GRAMD1B: variants seen among roughly 807,000 people sequenced by gnomAD.
GRAMD1B encodes protein Aster-B.
In GRAMD1B, 37 loss-of-function variants were observed where a neutral mutation model predicts 99.7. The observed-to-expected ratio is 0.37, with a 90% confidence interval of 0.29 to 0.49. The LOEUF (loss-of-function observed/expected upper bound fraction) is 0.49. GRAMD1B is among the 20% of genes least tolerant of loss of function. The pLI is 0.98. For synonymous variants in GRAMD1B, 427 were observed against 387.6 expected, an observed-to-expected ratio of 1.10 and a Z score of -1.19; for missense variants, 888 against 1,009.2, an observed-to-expected ratio of 0.88 and a Z score of 1.63.
At chr11:123,539,392 A>G (rs891345819) in intron 2 of GRAMD1B, among the ~76,000 whole-genome samples, 6 of 152,068 alleles carry the variant, frequency 3.9e-5, no homozygotes, top group Non-Finnish European at 7.4e-5. Flanking sequence ...GCTTGAACCC[A>G]TGAGTTCAAA....
intron 7 of GRAMD1B, chr11:123,599,033 G>A (rs989261632): frequency 3.7e-5 from 41 of 1,111,518 alleles, no homozygotes; most frequent in Admixed American, 2.5e-4. Flanking sequence ...CATGGAGATC[G>A]AGGTAACGAC....
chr11:123,419,919 A>C (rs548225097), intron 1 of GRAMD1B, among the ~76,000 whole-genome samples: 1 of 152,268 alleles, frequency 6.6e-6, no homozygotes, highest in East Asian at 1.9e-4. Flanking sequence ...AATGGAACCC[A>C]GTGTCCTTGT....
At chr11:123,402,354 T>A (rs1298126068) in intron 1 of GRAMD1B, among the ~76,000 whole-genome samples, 1 of 152,184 alleles carries the variant, frequency 6.6e-6, no homozygotes, top group African/African-American at 2.4e-5. Flanking sequence ...CTGGTTTATG[T>A]CTGATTAGGG....
intron 2 of GRAMD1B, among the ~76,000 whole-genome samples, chr11:123,499,207 G>A (rs1044140458): frequency 5.9e-5 from 9 of 152,122 alleles, no homozygotes; most frequent in Non-Finnish European, 1.2e-4. Context: ...GATGGAACTG[G>A]TGGCTTTAAA....
At chr11:123,413,140 G>A (rs753047205) in intron 1 of GRAMD1B, among the ~76,000 whole-genome samples, 1 of 152,108 alleles carries the variant, frequency 6.6e-6, no homozygotes, top group Non-Finnish European at 1.5e-5. Context: ...TCTTGAGCTT[G>A]AGTATTACCT....
At chr11:123,417,605 A>C (rs1224842807) in intron 1 of GRAMD1B, among the ~76,000 whole-genome samples, 3 of 152,176 alleles carry the variant, frequency 2.0e-5, no homozygotes, top group Non-Finnish European at 4.4e-5. Flanking sequence ...GTAAATGATC[A>C]CACATACCCC....
intron 15 of GRAMD1B, chr11:123,613,207 C>G (rs1953840936): frequency 1.4e-5 from 8 of 568,430 alleles, no homozygotes; most frequent in Non-Finnish European, 2.5e-5. Flanking sequence ...GACGTGTATG[C>G]CCCAAATTGT....
chr11:123,446,994 G>A (rs771337514), intron 1 of GRAMD1B, among the ~76,000 whole-genome samples: 1 of 152,112 alleles, frequency 6.6e-6, no homozygotes, highest in Non-Finnish European at 1.5e-5. Flanking sequence ...GGCAGGAAAG[G>A]CAAGAAAAGA....
Position 123,608,805 on chromosome 11 carries a change from C to T in GRAMD1B, c.1657+3C>T. On this transcript the variant is annotated splice_donor_region_variant and intron_variant, in intron 12 of 19. Transcript: ENST00000635736. ...CATGGAGCAGCGGCGCTTCTCTGGT[C>T]CGTTCTGCTGGGACTGTACCCCCCA... The T allele has an allele frequency of 3.9e-6, 6 of 1,536,202 alleles. No homozygotes were observed. Among genetic ancestry groups the T allele is most frequent in the Non-Finnish European group, 5.3e-6 (6 of 1,135,308 alleles).
At chr11:123,571,871 G>A (rs753548298) in intron 2 of GRAMD1B, among the ~76,000 whole-genome samples, 7 of 152,018 alleles carry the variant, frequency 4.6e-5, no homozygotes, top group Non-Finnish European at 7.4e-5. Flanking sequence ...CCCTTCACCT[G>A]GCTAACTCCA....
chr11:123,434,160 G>A (rs1949045836), intron 1 of GRAMD1B, among the ~76,000 whole-genome samples: 1 of 148,970 alleles, frequency 6.7e-6, no homozygotes, highest in African/African-American at 2.5e-5. Flanking sequence ...AACCTAGGAG[G>A]TGGAGGTTGC....
chr11:123,565,436 A>G (rs1947256358), intron 2 of GRAMD1B, among the ~76,000 whole-genome samples: 1 of 152,214 alleles, frequency 6.6e-6, no homozygotes, highest in African/African-American at 2.4e-5. Flanking sequence ...TTGCTGTCCT[A>G]TTGGGCCCTC....
intron 1 of GRAMD1B, among the ~76,000 whole-genome samples, chr11:123,388,017 T>C (rs1947131058): frequency 1.3e-5 from 2 of 151,174 alleles, no homozygotes; most frequent in Admixed American, 6.6e-5. Context: ...TCCCAGCTAC[T>C]TGGGAGGCTG....
At chr11:123,556,568 T>C (rs1329189232) in intron 2 of GRAMD1B, among the ~76,000 whole-genome samples, 1 of 152,202 alleles carries the variant, frequency 6.6e-6, no homozygotes, top group Non-Finnish European at 1.5e-5. Flanking sequence ...CTTTTGACAC[T>C]GCACAGGACT....
At chr11:123,486,223 T>C (rs1225982358) in intron 2 of GRAMD1B, among the ~76,000 whole-genome samples, 1 of 152,204 alleles carries the variant, frequency 6.6e-6, no homozygotes, top group Non-Finnish European at 1.5e-5. Flanking sequence ...CTCAGTTTCC[T>C]ACCAGATCTT....
intron 1 of GRAMD1B, among the ~76,000 whole-genome samples, chr11:123,441,743 C>A (rs1949416657): frequency 6.6e-6 from 1 of 152,060 alleles, no homozygotes; most frequent in Admixed American, 6.6e-5. Context: ...CTTCAGTGAG[C>A]CATGACCACG....
Position 123,626,658 on chromosome 11 carries a change from G to A in GRAMD1B, c.*4063G>A, listed in dbSNP as rs1286975039. 1.3e-5 allele frequency: 2 copies of A among 152,212 alleles called. No individual in the cohort carries two copies. The highest frequency in any genetic ancestry group is 2.9e-5 in the Non-Finnish European group (2 of 68,172). The allele number at this position is 152,212 out of a possible 1,614,324, so 9.4% of individuals were successfully genotyped here. On this transcript the variant is annotated 3_prime_UTR_variant, in exon 20 of 20. Coordinates refer to ENST00000635736, the MANE Select transcript of GRAMD1B (RefSeq NM_001387025.1). ...TGCCTCCTCCAGGAGGAATCTCCGG[G>A]GCCCCTTCCTGACTCTCCCCACCTT... is the stretch of plus-strand genomic sequence containing the variant.
rs78912800 is a variant in GRAMD1B at position 123,591,628 on chromosome 11, G to T, written c.685-2454G>T. The T allele has an allele frequency of 7.5e-3, 2,994 of 397,572 alleles. 36 individuals carry two copies. The highest frequency in any genetic ancestry group is 0.033 in the African/African-American group (1,591 of 48,744). 24.6% of individuals were successfully genotyped at this position (397,572 alleles called of 1,614,324 possible). A position where few individuals can be genotyped will look rare whatever the true frequency, so the allele number is the denominator to read the frequency against. On this transcript the variant is annotated intron_variant, in intron 4 of 19. Transcript: ENST00000635736. This position sits in a 1 kb window ranked among gnomAD's most constrained non-coding sequence, Gnocchi z 4.7. ...TTGGCTCTCCTACCCGAAGGCCCCA[G>T]ATTTGACAATCTTGGAACCGAAATT...
At chr11:123,507,127 T>C (rs1319499761) in intron 2 of GRAMD1B, among the ~76,000 whole-genome samples, 1 of 152,218 alleles carries the variant, frequency 6.6e-6, no homozygotes, top group East Asian at 1.9e-4. Context: ...TCCTTCTCCA[T>C]GGATACTAGC....
Sources: allele counts gnomAD v4.1 joint callset (sites outside exome capture counted in the v4.1 genomes callset), GRCh38; gene constraint gnomAD v4.1.1; non-coding constraint Gnocchi (gnomAD v3.1); transcripts MANE v1.5; gene names NCBI Gene and HGNC (gene_info 2026-07-23, HGNC 2026-07-21).